The following LRRN1 variants were observed in gnomAD, a reference collection of about 807,000 sequenced individuals.
LRRN1 encodes leucine rich repeat neuronal 1.
Under a neutral mutation model 45.8 loss-of-function variants are expected in LRRN1, and 14 were observed. That is an observed-to-expected ratio of 0.31 (90% confidence interval 0.20 to 0.48). LRRN1 has a LOEUF of 0.48. LRRN1 is among the 20% of genes least tolerant of loss of function. The pLI, the probability that LRRN1 is intolerant of heterozygous loss-of-function variation, is 0.99. For missense variants in LRRN1, 789 were observed against 874.2 expected (o/e 0.90, Z 1.23); for synonymous variants, 359 against 330.1 (o/e 1.09, Z -0.95).
chr3:3,845,702 A>G lies in LRRN1; in HGVS notation c.1061A>G (p.Gln354Arg). Residue 354 changes from glutamine (Q) to arginine (R), a missense_variant, in exon 2 of 2, where the codon CAA (glutamine) becomes CGA (arginine). Physicochemically the swap from Gln to Arg is conservative, Grantham distance 43. Transcript: ENST00000319331. This position sits in a 1 kb window ranked among gnomAD's most constrained non-coding sequence, Gnocchi z 6.5. Reference sequence around the variant, plus strand: ...AACAATGCCTTGAATGCCATTTACCAAAAGACAGTCGAATCCCTCCCCAAT... The same window carrying G: ...AACAATGCCTTGAATGCCATTTACCGAAAGACAGTCGAATCCCTCCCCAAT... ...LNNNALNAIYQKTVESLPNLR... is the reference protein window; with the variant it reads ...LNNNALNAIYRKTVESLPNLR... 9 of 1,614,064 alleles carry G rather than the reference A, an allele frequency of 5.6e-6. No homozygotes were observed. Among genetic ancestry groups the G allele is most frequent in the Non-Finnish European group, 7.6e-6 (9 of 1,180,010 alleles).
At chr3:3,805,320 T>C (rs976496488) in intron 1 of LRRN1, among the ~76,000 whole-genome samples, 1 of 152,232 alleles carries the variant, frequency 6.6e-6, no homozygotes, top group Non-Finnish European at 1.5e-5. Flanking sequence ...AATGTTAGCA[T>C]GGCAATAAAG....
chr3:3,839,489 T>G (rs1248892910), intron 1 of LRRN1, among the ~76,000 whole-genome samples: 2 of 152,182 alleles, frequency 1.3e-5, no homozygotes, highest in African/African-American at 2.4e-5. Flanking sequence ...TGATCTTATA[T>G]GAATTTTAGA....
At position 3,844,679 on chromosome 3, in the gene LRRN1, T is replaced by G. The variant is rs1245842473; in HGVS notation, c.38T>G (p.Leu13Trp). The G allele has an allele frequency of 6.2e-7, 1 of 1,613,312 alleles. No individual in the cohort carries two copies. The highest frequency in any genetic ancestry group is 2.2e-5 in the East Asian group (1 of 44,844). ...AGCTTTGTTATAGCAGCTTGCCAAT[T>G]GGTGCTGGGCCTACTAATGACTTCA... ...RMSFVIAACQLVLGLLMTSLT... is the reference protein window; with the variant it reads ...RMSFVIAACQWVLGLLMTSLT... The change falls in exon 2 of 2, where the codon TTG becomes TGG. Residue 13 changes from leucine to tryptophan, a missense_variant. By Grantham distance (61) the Leu-to-Trp change is moderately conservative. Transcript: ENST00000319331.
At chr3:3,801,193 C>G (rs2256225) in intron 1 of LRRN1, 2 of 152,090 alleles carry the variant, frequency 1.3e-5, no homozygotes, top group Non-Finnish European at 2.9e-5. Flanking sequence ...ACAAATGGTT[C>G]TGAAGCACTT....
chr3:3,823,890 A>C (rs1026727677), intron 1 of LRRN1, among the ~76,000 whole-genome samples: 5 of 152,166 alleles, frequency 3.3e-5, no homozygotes, highest in Non-Finnish European at 7.3e-5. Flanking sequence ...TGAACAAAGC[A>C]TCAAATACTC....
chr3:3,821,862 C>G (rs189126453), intron 1 of LRRN1, among the ~76,000 whole-genome samples: 1 of 152,326 alleles, frequency 6.6e-6, no homozygotes, highest in Admixed American at 6.5e-5. Flanking sequence ...TTTGATTTAT[C>G]TATTGAGTGC....
intron 1 of LRRN1, among the ~76,000 whole-genome samples, chr3:3,821,070 C>T (rs1265554747): frequency 6.6e-6 from 1 of 152,186 alleles, no homozygotes; most frequent in African/African-American, 2.4e-5. Context: ...CAGATATTCC[C>T]AGACCCCATC....
Position 3,845,283 on chromosome 3 carries a change from C to A in LRRN1, c.642C>A (p.Leu214=), listed in dbSNP as rs755383292. 2.5e-6 allele frequency: 4 copies of A among 1,614,076 alleles called. No individual in the cohort carries two copies. The highest frequency in any genetic ancestry group is 1.7e-4 in the Middle Eastern group (1 of 6,060). Residue 214 remains leucine, a synonymous_variant, in exon 2 of 2, where the codon CTC becomes CTA. Transcript: ENST00000319331. This position sits in a 1 kb window ranked among gnomAD's most constrained non-coding sequence, Gnocchi z 6.5. ...TTCTGGATATGAACTTCAAACCCCT[C>A]GCAAATTTGAGAAGCTTAGTTTTGG... ...IGILDMNFKP[L]ANLRSLVLAG...
At position 3,845,551 on chromosome 3, in the gene LRRN1, G is replaced by T. The variant is rs561448571; in HGVS notation, c.910G>T (p.Asp304Tyr). The change falls in exon 2 of 2, where the codon GAC becomes TAC. Residue 304 changes from aspartate to tyrosine, a missense_variant. Transcript: ENST00000319331. This position sits in a 1 kb window ranked among gnomAD's most constrained non-coding sequence, Gnocchi z 6.5. The stretch of plus-strand genomic sequence containing the variant: ...CAATATGGGCGAGCTCGTTTCTGTC[G>T]ACCGCTATGCCCTGGATAACTTGCC... Reference protein sequence around the residue: ...INNMGELVSVDRYALDNLPEL... With the variant: ...INNMGELVSVYRYALDNLPEL... 1.2e-6 allele frequency: 2 copies of T among 1,613,982 alleles called. No homozygotes were observed. Among genetic ancestry groups the T allele is most frequent in the African/African-American group, 1.3e-5 (1 of 74,980 alleles).
chr3:3,837,489 C>G (rs1693548200), intron 1 of LRRN1, among the ~76,000 whole-genome samples: 1 of 152,126 alleles, frequency 6.6e-6, no homozygotes. Flanking sequence ...ACTCAGCCTG[C>G]TGGTTGGTCC....
At chr3:3,803,432 T>C (rs1386973) in intron 1 of LRRN1, among the ~76,000 whole-genome samples, 21,637 of 152,204 alleles carry the variant, frequency 0.14, 1,750 homozygotes, top group East Asian at 0.21. Context: ...ACTTAAAATT[T>C]ATTTTTAAGT....
chr3:3,848,197 G>A lies in LRRN1; in HGVS notation c.*1405G>A, dbSNP rs1474871110. Among the ~76,000 whole-genome samples, 1 of 152,164 alleles carries A rather than the reference G, an allele frequency of 6.6e-6. No individual in the cohort carries two copies. The highest frequency in any genetic ancestry group is 1.5e-5 in the Non-Finnish European group (1 of 68,030). Reference sequence around the variant, plus strand: ...TGTGTGGCAATATCTGCTGAGACAAGTAAATGATTAATAGAAAACAAAACA... The same window carrying A: ...TGTGTGGCAATATCTGCTGAGACAAATAAATGATTAATAGAAAACAAAACA... On this transcript the variant is annotated 3_prime_UTR_variant, in exon 2 of 2. Transcript: ENST00000319331.
intron 1 of LRRN1, among the ~76,000 whole-genome samples, chr3:3,823,169 C>G (rs933848289): frequency 5.3e-5 from 8 of 152,122 alleles, no homozygotes; most frequent in African/African-American, 1.9e-4. Context: ...CCAGACTATA[C>G]TATTGATACT....
chr3:3,819,713 G>C (rs1382871319), intron 1 of LRRN1, among the ~76,000 whole-genome samples: 1 of 152,024 alleles, frequency 6.6e-6, no homozygotes, highest in Non-Finnish European at 1.5e-5. Context: ...CAATGACCCT[G>C]TTTCCAAAAA....
chr3:3,825,155 T>C (rs1482367121), intron 1 of LRRN1, among the ~76,000 whole-genome samples: 1 of 152,214 alleles, frequency 6.6e-6, no homozygotes, highest in African/African-American at 2.4e-5. Flanking sequence ...GCTTTTTACA[T>C]TTTCTGTTGT....
chr3:3,832,476 G>A (rs148941542), intron 1 of LRRN1, among the ~76,000 whole-genome samples: 57 of 152,282 alleles, frequency 3.7e-4, no homozygotes, highest in African/African-American at 7.2e-4. Flanking sequence ...ATAAGCCCCT[G>A]CTTTAACTGG....
chr3:3,834,704 C>T (rs1284774432), intron 1 of LRRN1, among the ~76,000 whole-genome samples: 1 of 151,014 alleles, frequency 6.6e-6, no homozygotes, highest in Non-Finnish European at 1.5e-5. Context: ...GAGAACCAGT[C>T]TGAGTCCTAA....
rs532135698 is a variant in LRRN1, at chr3:3,848,595, T to TG, written c.*1803_*1804insG. Among the ~76,000 whole-genome samples the TG allele has an allele frequency of 3.8e-4, 58 of 152,236 alleles. No individual in the cohort carries two copies. The Middle Eastern group carries it at 0.014, about 36-fold the overall frequency. ...AAAAAAATCACTTTCTTCCCATTCT[T>TG]AAGGGGTTTTGGCAAACAGAATTTC... is the stretch of plus-strand genomic sequence containing the variant. On this transcript the variant is annotated 3_prime_UTR_variant, in exon 2 of 2. Coordinates refer to ENST00000319331, the MANE Select transcript of LRRN1 (RefSeq NM_020873.7).
At chr3:3,808,408 C>T (rs1452873039) in intron 1 of LRRN1, among the ~76,000 whole-genome samples, 1 of 152,146 alleles carries the variant, frequency 6.6e-6, no homozygotes, top group Non-Finnish European at 1.5e-5. Flanking sequence ...AAGTACCTTG[C>T]CCAAGGTCAA....
Sources: gnomAD v4.1 joint callset for allele counts (sites outside exome capture counted in the v4.1 genomes callset) on GRCh38, gnomAD v4.1.1 for gene constraint, Gnocchi (gnomAD v3.1) non-coding constraint, MANE v1.5 for transcripts, NCBI Gene and HGNC (gene_info 2026-07-23, HGNC 2026-07-21) for gene names.